GUCY2C: variants seen among roughly 807,000 people sequenced by gnomAD.
GUCY2C encodes the protein guanylyl cyclase C.
In GUCY2C, 118 loss-of-function variants were observed where a neutral mutation model predicts 131.1. The observed-to-expected ratio is 0.90, with a 90% CI of 0.78 to 1.05. The LOEUF is 1.05. Among genes scored for constraint, GUCY2C ranks in the 50% least tolerant of loss-of-function variants. GUCY2C has a pLI of 0.00. For missense variants in GUCY2C, 1,161 were observed against 1,304.4 expected, an observed-to-expected ratio of 0.89 and a Z score of 1.69; for synonymous variants, 452 against 457.8, an observed-to-expected ratio of 0.99 and a Z score of 0.16.
At chr12:14,693,690 G>A (rs1350529661) in intron 1 of GUCY2C, among the ~76,000 whole-genome samples, 1 of 152,226 alleles carries the variant, frequency 6.6e-6, no homozygotes, top group Non-Finnish European at 1.5e-5. Flanking sequence ...AAATGTAAAA[G>A]TCTGGGCATC....
At chr12:14,639,787 T>C in intron 19 of GUCY2C, 75 bp downstream of exon 19, 3 of 934,734 alleles carry the variant, frequency 3.2e-6, no homozygotes, top group Non-Finnish European at 5.2e-6. Context: ...GAATAAATTT[T>C]TGTTGTTTTA....
chr12:14,676,910 T>A lies in GUCY2C; in HGVS notation c.892A>T (p.Thr298Ser), dbSNP rs781450171. The A allele has an allele frequency of 6.3e-7, 1 of 1,576,246 alleles. No homozygotes were observed. The highest frequency in any genetic ancestry group is 2.3e-5 in the East Asian group (1 of 44,354). ...PDYMKNVLVL[T>S]LSPGNSLLNS... ...AGAAGGGAATTCCCAGGAGACAGCGTCAGAACAAGGACATTTTTCATATAG... is the reference window on the plus strand; with the variant it reads ...AGAAGGGAATTCCCAGGAGACAGCGACAGAACAAGGACATTTTTCATATAG... The change falls in exon 7 of 27, where the codon ACG (threonine) becomes TCG (serine). Residue 298 changes from threonine to serine, a missense_variant. Physicochemically the swap from Thr to Ser is moderately conservative, Grantham distance 58 (BLOSUM62 1). Transcript: ENST00000261170.
At chr12:14,678,080 A>G (rs1166335138) in intron 6 of GUCY2C, among the ~76,000 whole-genome samples, 1 of 152,200 alleles carries the variant, frequency 6.6e-6, no homozygotes. Flanking sequence ...CTTCCCAAGC[A>G]GCTGGGACAA....
chr12:14,658,190 A>G (rs1947798555), intron 11 of GUCY2C, among the ~76,000 whole-genome samples: 1 of 152,042 alleles, frequency 6.6e-6, no homozygotes, highest in South Asian at 2.1e-4. Flanking sequence ...AACTTACATA[A>G]GTTCTTAATA....
chr12:14,619,071 G>C (rs549953674), intron 24 of GUCY2C, 140 bp downstream of exon 24: 4 of 562,892 alleles, frequency 7.1e-6, no homozygotes, highest in African/African-American at 1.9e-5. Context: ...ATTGACACGG[G>C]TTTGTGTTCA....
chr12:14,669,247 C>T (rs1467349768), intron 10 of GUCY2C, among the ~76,000 whole-genome samples: 1 of 150,662 alleles, frequency 6.6e-6, no homozygotes, highest in Non-Finnish European at 1.5e-5. Flanking sequence ...ACTCTGTTGC[C>T]CAGCTGGAGT....
Position 14,619,307 on chromosome 12 carries a change from GA to G in GUCY2C, c.2778del (p.Cys928ValfsTer33). The G allele has an allele frequency of 6.3e-7, 1 of 1,599,598 alleles. No individual in the cohort carries two copies. The highest frequency in any genetic ancestry group is 8.6e-7 in the Non-Finnish European group (1 of 1,166,842). On this transcript the variant is annotated frameshift_variant and splice_region_variant, in exon 24 of 27. Coordinates refer to ENST00000261170, the MANE Select transcript of GUCY2C (RefSeq NM_004963.4). LOFTEE classifies it high-confidence loss of function. ...ATTCCCACAACTCCAGCAGCACAGG[GA>G]CCTGAAATGAAGGACAGAAAGCAGG... ...PIWIRIGVHS[G>X]PCAAGVVGIK...
chr12:14,622,390 C>A lies in GUCY2C; in HGVS notation c.2409-193G>T, dbSNP rs551698913. On this transcript the variant is annotated intron_variant, in intron 21 of 26. Coordinates refer to ENST00000261170, the MANE Select transcript of GUCY2C (RefSeq NM_004963.4). The stretch of plus-strand genomic sequence containing the variant: ...ATATTACACAAATACACATATAATG[C>A]ATGTTGTGAACACAGATGAATACAA... Among the ~76,000 whole-genome samples, 5 of 152,308 alleles carry A rather than the reference C, an allele frequency of 3.3e-5. No individual in the cohort carries two copies. The East Asian group carries it at 5.8e-4, about 18-fold the overall frequency.
chr12:14,621,184 AG>A lies in GUCY2C; in HGVS notation c.2633del (p.Ala878ValfsTer14). ...TGCCATTTCTCTTAGGCAAACCACT[AG>A]CCACCATGTACGCATCACCGATGGT... is the stretch of plus-strand genomic sequence containing the variant. Reference protein sequence around the residue: ...VETIGDAYMVASGLPKRNGNR... With the variant: ...VETIGDAYMVXSGLPKRNGNR... On this transcript the variant is annotated frameshift_variant, in exon 23 of 27. Coordinates refer to ENST00000261170, the MANE Select transcript of GUCY2C (RefSeq NM_004963.4). LOFTEE classifies it high-confidence loss of function. 1 of 1,613,804 alleles carries A rather than the reference AG, an allele frequency of 6.2e-7. No individual in the cohort carries two copies. Among genetic ancestry groups the A allele is most frequent in the South Asian group, 1.1e-5 (1 of 91,058 alleles).
At chr12:14,651,814 T>G in intron 14 of GUCY2C, 145 bp downstream of exon 14, 1 of 585,682 alleles carries the variant, frequency 1.7e-6, no homozygotes, top group South Asian at 2.4e-5. Context: ...CCAATATCTC[T>G]TGGTAGAATT....
chr12:14,691,439 A>C (rs1162003369), intron 1 of GUCY2C, among the ~76,000 whole-genome samples: 4 of 152,208 alleles, frequency 2.6e-5, no homozygotes, highest in Non-Finnish European at 5.9e-5. Flanking sequence ...AACCAGGAGA[A>C]CAGAATGAAT....
intron 23 of GUCY2C, among the ~76,000 whole-genome samples, chr12:14,620,457 C>G (rs762487307): frequency 7.9e-5 from 12 of 152,208 alleles, no homozygotes; most frequent in Non-Finnish European, 1.6e-4. Flanking sequence ...TAAGGGCCAT[C>G]TGATTTGAAA....
intron 6 of GUCY2C, among the ~76,000 whole-genome samples, chr12:14,677,222 A>G (rs1276907782): frequency 6.6e-6 from 1 of 152,134 alleles, no homozygotes; most frequent in African/African-American, 2.4e-5. Flanking sequence ...ATATTTCTTG[A>G]TTTCTTTGAG....
intron 1 of GUCY2C, among the ~76,000 whole-genome samples, chr12:14,690,935 CA>C (rs1948564635): frequency 6.6e-6 from 1 of 152,174 alleles, no homozygotes; most frequent in African/African-American, 2.4e-5. Flanking sequence ...TGTTCTTGTA[CA>C]AGCCATTTTA....
chr12:14,682,188 G>T (rs1185119986), intron 4 of GUCY2C, among the ~76,000 whole-genome samples: 1 of 152,062 alleles, frequency 6.6e-6, no homozygotes, highest in Non-Finnish European at 1.5e-5. Flanking sequence ...ATATGGTTAG[G>T]CTTTGTGTCC....
rs751903464 is a variant in GUCY2C at position 14,683,024 on chromosome 12, A to G, written c.611+18T>C. ...TCTCCATGGCAAGTGCTAGTGAAAT[A>G]TTAATGATCCTGCTTACCAGAAACA... is the stretch of plus-strand genomic sequence containing the variant. On this transcript the variant is annotated intron_variant, in intron 4 of 26. Coordinates refer to ENST00000261170, the MANE Select transcript of GUCY2C (RefSeq NM_004963.4). 4.5e-6 allele frequency: 7 copies of G among 1,555,146 alleles called. No individual in the cohort carries two copies. Among genetic ancestry groups the G allele is most frequent in the Admixed American group, 3.3e-5 (2 of 59,888 alleles).
At chr12:14,675,576 A>G (rs956148272) in intron 7 of GUCY2C, among the ~76,000 whole-genome samples, 6 of 152,168 alleles carry the variant, frequency 3.9e-5, no homozygotes, top group African/African-American at 1.2e-4. Context: ...ATGCCACTGA[A>G]ATTGCTTTGA....
chr12:14,670,411 TA>T (rs1484998578), intron 9 of GUCY2C, among the ~76,000 whole-genome samples: 4 of 152,322 alleles, frequency 2.6e-5, no homozygotes, highest in African/African-American at 9.6e-5. Context: ...GTTTCTAAAA[TA>T]AAAGATTTCA....
At chr12:14,625,636 C>T (rs368554313) in intron 21 of GUCY2C, 121 bp downstream of exon 21, 125 of 1,002,234 alleles carry the variant, frequency 1.2e-4, no homozygotes, top group East Asian at 1.0e-3. Context: ...CCTGGCAGTA[C>T]GTGCATTTTA....
Sources: allele counts gnomAD v4.1 joint callset (sites outside exome capture counted in the v4.1 genomes callset), GRCh38; gene constraint gnomAD v4.1.1; transcripts MANE v1.5; gene names NCBI Gene and HGNC (gene_info 2026-07-23, HGNC 2026-07-21).